The following ELFN1 variants were observed in gnomAD, a reference collection of about 807,000 sequenced individuals.
ELFN1 encodes the protein protein ELFN1.
Under a neutral mutation model 7.6 loss-of-function variants are expected in ELFN1, and 6 were observed. The ratio of observed to expected loss-of-function variants is 0.79; its 90% CI spans 0.43 to 1.56. The LOEUF is 1.56. ELFN1 is among the 40% of genes most tolerant of loss of function. ELFN1 has a pLI of 0.01. For synonymous variants in ELFN1, 657 were observed against 588.1 expected (o/e 1.12, Z -1.70); for missense variants, 1,169 against 1,232.2 (o/e 0.95, Z 0.77).
intron 3 of ELFN1, among the ~76,000 whole-genome samples, chr7:1,719,391 TCGCCCACCAACAGGGCCC>T (rs1273227504): frequency 8.0e-5 from 5 of 62,250 alleles, no homozygotes; most frequent in Admixed American, 3.3e-4. Flanking sequence ...CAACAGGGCC[TCGCCCACCAACAGGGCCC>T]CGCCCACCAA....
At chr7:1,743,278 G>T (rs1332705336) in intron 3 of ELFN1, among the ~76,000 whole-genome samples, 2 of 152,216 alleles carry the variant, frequency 1.3e-5, no homozygotes, top group Admixed American at 6.5e-5. Flanking sequence ...AGACCCTCAG[G>T]GTCCAGTGGA....
intron 2 of ELFN1, among the ~76,000 whole-genome samples, chr7:1,698,128 A>G (rs1468218893): frequency 6.6e-6 from 1 of 152,170 alleles, no homozygotes; most frequent in African/African-American, 2.4e-5. Flanking sequence ...CCTTTTTTTC[A>G]TAGGATGCCT....
intron 3 of ELFN1, among the ~76,000 whole-genome samples, chr7:1,712,969 C>T (rs1779706683): frequency 6.6e-6 from 1 of 152,206 alleles, no homozygotes; most frequent in Non-Finnish European, 1.5e-5. Flanking sequence ...CATTCGACCA[C>T]CCTGGGTACT....
intron 2 of ELFN1, among the ~76,000 whole-genome samples, chr7:1,708,445 C>T (rs1045154465): frequency 2.0e-5 from 3 of 152,206 alleles, no homozygotes; most frequent in Admixed American, 6.5e-5. Flanking sequence ...CACAGAGCTG[C>T]GCTTGGGCCT....
chr7:1,700,696 G>A lies in ELFN1; in HGVS notation c.-455-8395G>A, dbSNP rs148271363. Among the ~76,000 whole-genome samples, 239 of 152,344 alleles carry A rather than the reference G, an allele frequency of 1.6e-3. 1 individual carries two copies. Among genetic ancestry groups the A allele is most frequent in the African/African-American group, 5.5e-3 (229 of 41,584 alleles). ...ACAGTCGCCGGCTCTTTCCCAAAGC[G>A]GTGGTGAGGCTTTGCACCCTCAGGA... On this transcript the variant is annotated intron_variant, in intron 2 of 3. Coordinates refer to ENST00000424383, the MANE Select transcript of ELFN1 (RefSeq NM_001128636.4).
At chr7:1,687,139 G>C (rs1225797026) in intron 1 of ELFN1, among the ~76,000 whole-genome samples, 1 of 152,078 alleles carries the variant, frequency 6.6e-6, no homozygotes, top group South Asian at 2.1e-4. Flanking sequence ...AGGTGCGGGG[G>C]GAGATGGGAG....
intron 1 of ELFN1, among the ~76,000 whole-genome samples, chr7:1,676,867 G>C (rs1218309428): frequency 6.6e-6 from 1 of 152,212 alleles, no homozygotes; most frequent in African/African-American, 2.4e-5. Flanking sequence ...ATTGCTTCGG[G>C]AAGTCTCTGG....
chr7:1,701,852 C>A (rs1466954263), intron 2 of ELFN1, among the ~76,000 whole-genome samples: 1 of 152,096 alleles, frequency 6.6e-6, no homozygotes, highest in Non-Finnish European at 1.5e-5. Flanking sequence ...ATCTTTTTAT[C>A]TACTTTATCT....
At position 1,746,750 on chromosome 7, in the gene ELFN1, C is replaced by A. The variant is rs753434926; in HGVS notation, c.2154C>A (p.Pro718=). The change falls in exon 4 of 4, where the codon CCC becomes CCA. Residue 718 remains proline, a synonymous_variant. Transcript: ENST00000424383. ...PGSHPAEPPA[P]PGPPPPPPHE... is the part of the protein sequence containing the mutation. ...CCCACCCGGCCGAGCCACCTGCGCC[C>A]CCCGGGCCACCGCCGCCGCCTCCGC... 3 of 1,499,130 alleles carry A rather than the reference C, an allele frequency of 2.0e-6. No individual in the cohort carries two copies. In the African/African-American group the frequency reaches 4.3e-5, roughly 22 times the overall value. 92.9% of individuals were successfully genotyped at this position (1,499,130 alleles called of 1,614,324 possible). A position where few individuals can be genotyped will look rare whatever the true frequency, so the allele number is the denominator to read the frequency against.
rs766178011 is a variant in ELFN1, at chr7:1,706,927, G to A, written c.-455-2164G>A. 8.6e-4 allele frequency among the ~76,000 whole-genome samples: 131 copies of A among 152,060 alleles called. 2 individuals are homozygous for A. Among genetic ancestry groups the A allele is most frequent in the Non-Finnish European group, 2.6e-4 (18 of 67,982 alleles). On this transcript the variant is annotated intron_variant, in intron 2 of 3. Coordinates refer to ENST00000424383, the MANE Select transcript of ELFN1 (RefSeq NM_001128636.4). ...GTCTGAGTGAGCCTTTGTGGAGAGCGATGGGTGTGCCTGTGTCATTGAGTG... is the reference window on the plus strand; with the variant it reads ...GTCTGAGTGAGCCTTTGTGGAGAGCAATGGGTGTGCCTGTGTCATTGAGTG...
intron 1 of ELFN1, among the ~76,000 whole-genome samples, chr7:1,686,682 T>C (rs1039634563): frequency 6.6e-6 from 1 of 152,090 alleles, no homozygotes; most frequent in Non-Finnish European, 1.5e-5. Flanking sequence ...AGGCCTGACC[T>C]GGTTTCTACT....
chr7:1,699,849 G>A (rs112986415), intron 2 of ELFN1, among the ~76,000 whole-genome samples: 2,608 of 152,106 alleles, frequency 0.017, 63 homozygotes, highest in African/African-American at 0.059. Context: ...GATTACAGGC[G>A]TGTGCCACCG....
In ELFN1 at chr7:1,730,054, G is replaced by A. The variant is rs182217104; in HGVS notation, c.-293-14250G>A. Among the ~76,000 whole-genome samples the A allele has an allele frequency of 3.0e-3, 461 of 152,332 alleles. 7 individuals carry two copies. Among genetic ancestry groups the A allele is most frequent in the African/African-American group, 9.8e-3 (406 of 41,576 alleles). On this transcript the variant is annotated intron_variant, in intron 3 of 3. Transcript: ENST00000424383. ...CCAGCCCCTCCCAGATGCCATCTCC[G>A]AATCCGCCACGTCGGATGCCTTCCA...
In ELFN1 at chr7:1,705,245, G is replaced by A. The variant is rs936150456; in HGVS notation, c.-455-3846G>A. Among the ~76,000 whole-genome samples, 1 of 152,188 alleles carries A rather than the reference G, an allele frequency of 6.6e-6. No homozygotes were observed. Among genetic ancestry groups the A allele is most frequent in the Admixed American group, 6.5e-5 (1 of 15,286 alleles). On this transcript the variant is annotated intron_variant, in intron 2 of 3. Transcript: ENST00000424383. This position sits in a 1 kb window ranked among gnomAD's most constrained non-coding sequence, Gnocchi z 4.3. ...CAGCTGTGCGGGAGGCTGGGCTGCT[G>A]GCATCAGCAGGCGCCCCTCCTCCCC...
In ELFN1 at chr7:1,670,580, C is replaced by G. The variant is rs986810728; in HGVS notation, c.-549+226C>G. ...CGGCGGAGCGGGCGCAGGCTCAGCCCGACAAAGCCCGGGGGCCCGGGTCGG... is the reference window on the plus strand; with the variant it reads ...CGGCGGAGCGGGCGCAGGCTCAGCCGGACAAAGCCCGGGGGCCCGGGTCGG... On this transcript the variant is annotated intron_variant, in intron 1 of 3. Coordinates refer to ENST00000424383, the MANE Select transcript of ELFN1 (RefSeq NM_001128636.4). The surrounding 1 kb of genome is among the most constrained non-coding windows in gnomAD (Gnocchi z 6.4). 7.9e-5 allele frequency among the ~76,000 whole-genome samples: 12 copies of G among 152,120 alleles called. No individual in the cohort carries two copies. Among genetic ancestry groups the G allele is most frequent in the Non-Finnish European group, 1.6e-4 (11 of 67,986 alleles).
At chr7:1,680,797 A>G (rs1778961569) in intron 1 of ELFN1, among the ~76,000 whole-genome samples, 1 of 138,638 alleles carries the variant, frequency 7.2e-6, no homozygotes. Context: ...GCTGGAGTGC[A>G]GTGGTGCGTT....
At chr7:1,685,724 T>C (rs1013724964) in intron 1 of ELFN1, among the ~76,000 whole-genome samples, 5 of 150,950 alleles carry the variant, frequency 3.3e-5, no homozygotes, top group African/African-American at 9.7e-5. Flanking sequence ...TCTTTACACA[T>C]AGTTGTCTTT....
At chr7:1,689,942 G>A (rs2128579504) in intron 2 of ELFN1, among the ~76,000 whole-genome samples, 1 of 152,316 alleles carries the variant, frequency 6.6e-6, no homozygotes, top group South Asian at 2.1e-4. Context: ...GAGCCCTCTG[G>A]ACACCTGGCA....
rs1215317027 is a variant in ELFN1, at chr7:1,740,572, G to T, written c.-293-3732G>T. ...GCGAGCCCAGCTGGAAAGGGCTTTG[G>T]GGGGGCCTGTGGTCTGTCCAGAACC... On this transcript the variant is annotated intron_variant, in intron 3 of 3. Coordinates refer to ENST00000424383, the MANE Select transcript of ELFN1 (RefSeq NM_001128636.4). This position sits in a 1 kb window ranked among gnomAD's most constrained non-coding sequence, Gnocchi z 5.0. Among the ~76,000 whole-genome samples the T allele has an allele frequency of 2.0e-5, 3 of 152,116 alleles. No homozygotes were observed. The highest frequency in any genetic ancestry group is 7.2e-5 in the African/African-American group (3 of 41,406).
Sources: gnomAD v4.1 joint callset for allele counts (sites outside exome capture counted in the v4.1 genomes callset) on GRCh38, gnomAD v4.1.1 for gene constraint, Gnocchi (gnomAD v3.1) non-coding constraint, MANE v1.5 for transcripts, NCBI Gene and HGNC (gene_info 2026-07-23, HGNC 2026-07-21) for gene names.